The following HOXC12 variants were observed in gnomAD, a reference collection of about 807,000 sequenced individuals.
HOXC12 encodes homeobox protein Hox-C12.
In HOXC12, 24 loss-of-function variants were observed where a neutral mutation model predicts 20.9. That is an observed-to-expected ratio of 1.15 (90% CI 0.83 to 1.61). The LOEUF is 1.61. Ranked by LOEUF, HOXC12 falls within the 40% of genes most tolerant of loss-of-function variation. HOXC12 has a pLI of 0.00. For missense variants in HOXC12, 436 were observed against 406.9 expected, an observed-to-expected ratio of 1.07 and a Z score of -0.62; for synonymous variants, 202 against 197.7, an observed-to-expected ratio of 1.02 and a Z score of -0.18.
chr12:53,955,407 C>T lies in HOXC12; in HGVS notation c.478C>T (p.Pro160Ser), dbSNP rs1938845735. ...GGGGAGPPHDPPSCQSLESDS... is the reference protein window; with the variant it reads ...GGGGAGPPHDSPSCQSLESDS... ...CGGCGGCGCAGGACCTCCGCACGAC[C>T]CGCCCTCCTGCCAGTCGCTGGAATC... The change falls in exon 1 of 2, where the codon CCG becomes TCG. Residue 160 changes from proline to serine, a missense_variant. Coordinates refer to ENST00000243103, the MANE Select transcript of HOXC12 (RefSeq NM_173860.3). 3.3e-6 allele frequency: 5 copies of T among 1,510,092 alleles called. No individual in the cohort carries two copies. In the African/African-American group the frequency reaches 7.2e-5, roughly 22 times the overall value. 93.5% of individuals were successfully genotyped at this position (1,510,092 alleles called of 1,614,324 possible).
At position 53,955,269 on chromosome 12, in the gene HOXC12, C is replaced by A; in HGVS notation, c.340C>A (p.Arg114Ser). The A allele has an allele frequency of 6.8e-7, 1 of 1,469,766 alleles. No homozygotes were observed. Among genetic ancestry groups the A allele is most frequent in the Non-Finnish European group, 9.0e-7 (1 of 1,117,278 alleles). The allele number at this position is 1,469,766 out of a possible 1,614,324, so 91.0% of individuals were successfully genotyped here. A position where few individuals can be genotyped will look rare whatever the true frequency, so the allele number is the denominator to read the frequency against. ...GGGLKREERG[R>S]DPGAGPGAAL... ...GGGCCTGAAGCGTGAGGAGCGCGGG[C>A]GCGACCCGGGAGCCGGGCCCGGGGC... Residue 114 changes from arginine to serine, a missense_variant, in exon 1 of 2, where the codon CGC (arginine) becomes AGC (serine). By Grantham distance (110) the Arg-to-Ser change is moderately radical. Transcript: ENST00000243103.
chr12:53,956,365 G>T lies in HOXC12; in HGVS notation c.648G>T (p.Lys216Asn), dbSNP rs747603572. 9.4e-6 allele frequency: 15 copies of T among 1,602,618 alleles called. No homozygotes were observed. The South Asian group carries it at 1.3e-4, about 14-fold the overall frequency. The part of the protein sequence containing the change: ...PWYPINSRSR[K>N]KRKPYSKLQL... ...ACCCGATCAACAGCCGCTCTCGGAAGAAGCGCAAGCCCTATTCGAAGTTGC... is the reference window on the plus strand; with the variant it reads ...ACCCGATCAACAGCCGCTCTCGGAATAAGCGCAAGCCCTATTCGAAGTTGC... The change falls in exon 2 of 2, where the codon AAG becomes AAT. Residue 216 changes from lysine (K) to asparagine (N), a missense_variant. Transcript: ENST00000243103.
rs1938905241 is a variant in HOXC12 at position 53,958,462 on chromosome 12, TC to T, written c.*1901del. On this transcript the variant is annotated 3_prime_UTR_variant, in exon 2 of 2. Transcript: ENST00000243103. ...ATACTTGCTTCACCCATGTACAAGT[TC>T]CCCCAAATTACCACCATTCCAGCTG... 6.6e-6 allele frequency: 1 copy of T among 152,216 alleles called. No individual in the cohort carries two copies. The highest frequency in any genetic ancestry group is 1.5e-5 in the Non-Finnish European group (1 of 68,064). The allele number at this position is 152,216 out of a possible 1,614,324, so 9.4% of individuals were successfully genotyped here.
At chr12:53,956,194 G>T (rs1053253475) in intron 1 of HOXC12, 134 bp from the exon 2 acceptor site, 1 of 649,722 alleles carries the variant, frequency 1.5e-6, no homozygotes, top group Non-Finnish European at 2.6e-6. Context: ...ATGACTGGCG[G>T]CAAGGAGAAG....
At position 53,955,253 on chromosome 12, in the gene HOXC12, G is replaced by T. The variant is rs1377622037; in HGVS notation, c.324G>T (p.Lys108Asn). The change falls in exon 1 of 2, where the codon AAG becomes AAT. Residue 108 changes from lysine to asparagine, a missense_variant. By Grantham distance (94) the Lys-to-Asn change is moderately conservative. Transcript: ENST00000243103. ...PCAEGGGGGL[K>N]REERGRDPGA... The stretch of plus-strand genomic sequence containing the variant: ...CCGAGGGTGGCGGCGGGGGCCTGAA[G>T]CGTGAGGAGCGCGGGCGCGACCCGG... 6.5e-7 allele frequency: 1 copy of T among 1,537,696 alleles called. No homozygotes were observed. Among genetic ancestry groups the T allele is most frequent in the South Asian group, 1.2e-5 (1 of 80,708 alleles).
At position 53,956,735 on chromosome 12, in the gene HOXC12, A is replaced by C; in HGVS notation, c.*169A>C. The stretch of plus-strand genomic sequence containing the variant: ...CGTGGTTCCCTCCCATACACACCCA[A>C]AACACCCTGCCAGGTCCCAGAGAGA... On this transcript the variant is annotated 3_prime_UTR_variant, in exon 2 of 2. Transcript: ENST00000243103. 1.9e-6 allele frequency: 1 copy of C among 529,588 alleles called. No homozygotes were observed. Among genetic ancestry groups the C allele is most frequent in the Non-Finnish European group, 3.3e-6 (1 of 300,322 alleles). 32.8% of individuals were successfully genotyped at this position (529,588 alleles called of 1,614,324 possible). A position where few individuals can be genotyped will look rare whatever the true frequency, so the allele number is the denominator to read the frequency against.
In HOXC12 at chr12:53,955,370, T is replaced by C. The variant is rs1278060733; in HGVS notation, c.441T>C (p.Gly147=). 3 of 1,380,490 alleles carry C rather than the reference T, an allele frequency of 2.2e-6. No individual in the cohort carries two copies. Among genetic ancestry groups the C allele is most frequent in the East Asian group, 3.7e-5 (1 of 27,372 alleles). 85.5% of individuals were successfully genotyped at this position (1,380,490 alleles called of 1,614,324 possible). The change falls in exon 1 of 2, where the codon GGT becomes GGC. Residue 147 remains glycine, a synonymous_variant. Transcript: ENST00000243103. ...ACGACTACGCGGCGGGCGGCGGCGG[T>C]GGCGACGGCGGCGGCGGCGCAGGAC... ...FKYDYAAGGG[G]GDGGGGAGPP...
Position 53,955,197 on chromosome 12 carries a change from G to A in HOXC12, c.268G>A (p.Asp90Asn), listed in dbSNP as rs775785231. The change falls in exon 1 of 2, where the codon GAC (aspartate) becomes AAC (asparagine). Residue 90 changes from aspartate (D) to asparagine (N), a missense_variant. Transcript: ENST00000243103. ...CACGTGCGAGCTGGCGCGCGTGGAG[G>A]ACGGCAAGGGTTACTACCGCGAGCC... ...GRTCELARVE[D>N]GKGYYREPCA... The A allele has an allele frequency of 1.1e-5, 17 of 1,610,110 alleles. No individual in the cohort carries two copies. The highest frequency in any genetic ancestry group is 1.4e-5 in the Non-Finnish European group (17 of 1,178,914).
At position 53,954,944 on chromosome 12, in the gene HOXC12, T is replaced by C. The variant is rs754440981; in HGVS notation, c.15T>C (p.Asn5=). The C allele has an allele frequency of 8.1e-6, 13 of 1,611,058 alleles. No homozygotes were observed. In the East Asian group the frequency reaches 2.9e-4, roughly 36 times the overall value. The change falls in exon 1 of 2, where the codon AAT becomes AAC. Residue 5 remains asparagine, a synonymous_variant. Coordinates refer to ENST00000243103, the MANE Select transcript of HOXC12 (RefSeq NM_173860.3). ...GCCCCGCGGAAATGGGCGAGCATAA[T>C]CTCCTGAATCCCGGGTTTGTGGGGC... The part of the protein sequence containing the change: MGEH[N]LLNPGFVGPL...
rs1192010086 is a variant in HOXC12, at chr12:53,955,254, C to A, written c.325C>A (p.Arg109Ser). ...CGAGGGTGGCGGCGGGGGCCTGAAGCGTGAGGAGCGCGGGCGCGACCCGGG... is the reference window on the plus strand; with the variant it reads ...CGAGGGTGGCGGCGGGGGCCTGAAGAGTGAGGAGCGCGGGCGCGACCCGGG... ...CAEGGGGGLK[R>S]EERGRDPGAG... Residue 109 changes from arginine to serine, a missense_variant, in exon 1 of 2, where the codon CGT becomes AGT. Coordinates refer to ENST00000243103, the MANE Select transcript of HOXC12 (RefSeq NM_173860.3). The A allele has an allele frequency of 1.3e-6, 2 of 1,536,284 alleles. No homozygotes were observed. Among genetic ancestry groups the A allele is most frequent in the South Asian group, 1.2e-5 (1 of 80,526 alleles).
At position 53,955,517 on chromosome 12, in the gene HOXC12, C is replaced by A; in HGVS notation, c.588C>A (p.Pro196=). 6.8e-7 allele frequency: 1 copy of A among 1,467,438 alleles called. No individual in the cohort carries two copies. Among genetic ancestry groups the A allele is most frequent in the South Asian group, 1.3e-5 (1 of 76,316 alleles). The allele number at this position is 1,467,438 out of a possible 1,614,324, so 90.9% of individuals were successfully genotyped here. A position where few individuals can be genotyped will look rare whatever the true frequency, so the allele number is the denominator to read the frequency against. ...DPGSLVSPLN[P]GGGLSASGAP... is the part of the protein sequence containing the mutation. ...GCAGCTTGGTATCGCCGTTGAACCC[C>A]GGCGGCGGGCTCTCGGCCAGCGGTA... is the stretch of plus-strand genomic sequence containing the variant. Residue 196 remains proline, a synonymous_variant, in exon 1 of 2, where the codon CCC becomes CCA. Transcript: ENST00000243103.
In HOXC12 at chr12:53,955,917, G is replaced by T. The variant is rs185561839; in HGVS notation, c.610+378G>T. 5.8e-3 allele frequency among the ~76,000 whole-genome samples: 887 copies of T among 152,244 alleles called. 42 individuals carry two copies. Among genetic ancestry groups the T allele is most frequent in the Admixed American group, 0.052 (791 of 15,290 alleles). Reference sequence around the variant, plus strand: ...TTTCGAAAGAAATGCCAGTGGATGCGTTTACTCTGCCATTCGCCCATATCT... The same window carrying T: ...TTTCGAAAGAAATGCCAGTGGATGCTTTTACTCTGCCATTCGCCCATATCT... On this transcript the variant is annotated intron_variant, in intron 1 of 1. Coordinates refer to ENST00000243103, the MANE Select transcript of HOXC12 (RefSeq NM_173860.3).
In HOXC12 at chr12:53,957,591, ACGGGC is replaced by A. The variant is rs1211262311; in HGVS notation, c.*1029_*1033del. On this transcript the variant is annotated 3_prime_UTR_variant, in exon 2 of 2. Transcript: ENST00000243103. ...CGCTGGCGTTCACGGTCACTGCCTC[ACGGGC>A]CGGCCAGAGGGTGGACCAGCGTAAT... 3.6e-5 allele frequency: 2 copies of A among 54,926 alleles called. No homozygotes were observed. The highest frequency in any genetic ancestry group is 5.4e-5 in the Non-Finnish European group (1 of 18,478). The allele number at this position is 54,926 out of a possible 1,614,324, so 3.4% of individuals were successfully genotyped here. A position where few individuals can be genotyped will look rare whatever the true frequency, so the allele number is the denominator to read the frequency against.
In HOXC12 at chr12:53,955,531, C is replaced by A. The variant is rs1172616896; in HGVS notation, c.602C>A (p.Ser201Ter). Residue 201 changes from serine to a stop codon, truncating the protein, a stop_gained, in exon 1 of 2, where the codon TCG (serine) becomes TAG (stop). Coordinates refer to ENST00000243103, the MANE Select transcript of HOXC12 (RefSeq NM_173860.3). LOFTEE classifies it high-confidence loss of function. ...CCGTTGAACCCCGGCGGCGGGCTCT[C>A]GGCCAGCGGTAAGGACCCCGGCCAC... ...VSPLNPGGGL[S>*]ASGAPWYPIN... 1.7e-5 allele frequency: 25 copies of A among 1,457,874 alleles called. No individual in the cohort carries two copies. Among genetic ancestry groups the A allele is most frequent in the African/African-American group, 7.3e-5 (5 of 68,206 alleles). 90.3% of individuals were successfully genotyped at this position (1,457,874 alleles called of 1,614,324 possible).
chr12:53,955,096 C>A lies in HOXC12; in HGVS notation c.167C>A (p.Pro56Gln), dbSNP rs773893659. 1.2e-6 allele frequency: 2 copies of A among 1,612,592 alleles called. No individual in the cohort carries two copies. The highest frequency in any genetic ancestry group is 2.2e-5 in the East Asian group (1 of 44,808). ...RRDNVCSLSW[P>Q]SAEPCNGYPQ... ...GACAACGTGTGCTCCCTGTCCTGGC[C>A]GTCGGCGGAGCCGTGCAATGGCTAC... The change falls in exon 1 of 2, where the codon CCG becomes CAG. Residue 56 changes from proline to glutamine, a missense_variant. Coordinates refer to ENST00000243103, the MANE Select transcript of HOXC12 (RefSeq NM_173860.3).
At chr12:53,956,269 G>A (rs1938864043) in intron 1 of HOXC12, 59 bp from the exon 2 acceptor site, 3 of 1,399,904 alleles carry the variant, frequency 2.1e-6, no homozygotes, top group Non-Finnish European at 2.0e-6. Context: ...AGGGCCAAGG[G>A]CACTGGACTG....
intron 1 of HOXC12, 117 bp downstream of exon 1, chr12:53,955,656 C>T (rs2136364109): frequency 1.7e-6 from 2 of 1,176,438 alleles, no homozygotes; most frequent in South Asian, 6.4e-5. Context: ...GGAAGAGCTT[C>T]TTATAAAATG....
rs912780796 is a variant in HOXC12 at position 53,956,517 on chromosome 12, T to G, written c.800T>G (p.Met267Arg). Residue 267 changes from methionine (M) to arginine (R), a missense_variant, in exon 2 of 2, where the codon ATG becomes AGG. Transcript: ENST00000243103. Reference sequence around the variant, plus strand: ...AAGATCTGGTTTCAGAACCGGAGAATGAAAAAGAAAAGACTTCTGTTGAGG... The same window carrying G: ...AAGATCTGGTTTCAGAACCGGAGAAGGAAAAAGAAAAGACTTCTGTTGAGG... ...QVKIWFQNRR[M>R]KKKRLLLREQ... The G allele has an allele frequency of 6.2e-7, 1 of 1,613,858 alleles. No individual in the cohort carries two copies. The highest frequency in any genetic ancestry group is 8.5e-7 in the Non-Finnish European group (1 of 1,179,956).
chr12:53,957,325 G>A lies in HOXC12; in HGVS notation c.*759G>A, dbSNP rs1435494830. The A allele has an allele frequency of 6.6e-6, 1 of 152,610 alleles. No individual in the cohort carries two copies. The highest frequency in any genetic ancestry group is 1.5e-5 in the Non-Finnish European group (1 of 68,366). The allele number at this position is 152,610 out of a possible 1,614,324, so 9.5% of individuals were successfully genotyped here. A position where few individuals can be genotyped will look rare whatever the true frequency, so the allele number is the denominator to read the frequency against. Reference sequence around the variant, plus strand: ...CGCTGCCCGCACCGGGCGAATGTCTGTTCATAGGTGTGCTGCCATCCACTC... The same window carrying A: ...CGCTGCCCGCACCGGGCGAATGTCTATTCATAGGTGTGCTGCCATCCACTC... On this transcript the variant is annotated 3_prime_UTR_variant, in exon 2 of 2. Coordinates refer to ENST00000243103, the MANE Select transcript of HOXC12 (RefSeq NM_173860.3).
Sources: allele counts gnomAD v4.1 joint callset (sites outside exome capture counted in the v4.1 genomes callset), GRCh38; gene constraint gnomAD v4.1.1; transcripts MANE v1.5; gene names NCBI Gene and HGNC (gene_info 2026-07-23, HGNC 2026-07-21).